CPLANE1: variants seen among roughly 807,000 people sequenced by gnomAD.
CPLANE1 encodes ciliogenesis and planar polarity effector complex subunit 1, also known as ciliogenesis and planar polarity effector 1.
CPLANE1 carries 263 observed loss-of-function variants against 362.5 expected under a neutral mutation model. The ratio of observed to expected loss-of-function variants is 0.73; its 90% CI spans 0.66 to 0.80. The LOEUF (loss-of-function observed/expected upper bound fraction) is 0.80. CPLANE1 is among the 30% of genes least tolerant of loss of function. The pLI is 0.00. For missense variants in CPLANE1, 3,461 were observed against 3,793.4 expected, an observed-to-expected ratio of 0.91 and a Z score of 2.30; for synonymous variants, 1,212 against 1,302.6, an observed-to-expected ratio of 0.93 and a Z score of 1.50.
intron 38 of CPLANE1, among the ~76,000 whole-genome samples, chr5:37,160,671 C>CTTT (rs1328332570): frequency 2.9e-5 from 4 of 138,568 alleles, no homozygotes; most frequent in African/African-American, 8.1e-5. Flanking sequence ...AAAATAATGA[C>CTTT]TTTTTTTTTT....
intron 27 of CPLANE1, 49 bp downstream of exon 27, chr5:37,180,808 T>C: frequency 6.4e-7 from 1 of 1,572,994 alleles, no homozygotes; most frequent in Non-Finnish European, 8.7e-7. Flanking sequence ...CCAAATGCCA[T>C]CAAACTACAT....
chr5:37,172,932 C>T (rs557631424), intron 32 of CPLANE1, among the ~76,000 whole-genome samples: 30 of 152,108 alleles, frequency 2.0e-4, no homozygotes, highest in African/African-American at 4.3e-4. Context: ...TGCAGTGAGC[C>T]GAGATCGCGC....
intron 12 of CPLANE1, 59 bp downstream of exon 12, chr5:37,226,245 C>T: frequency 1.7e-6 from 2 of 1,154,532 alleles, no homozygotes; most frequent in Non-Finnish European, 2.3e-6. Flanking sequence ...AGCTCAGTTT[C>T]TAAAAAAGTA....
intron 42 of CPLANE1, among the ~76,000 whole-genome samples, chr5:37,152,478 T>C (rs746965161): frequency 1.2e-4 from 19 of 152,106 alleles, no homozygotes; most frequent in Non-Finnish European, 2.5e-4. Flanking sequence ...CCTTTTGATA[T>C]AAATTGTTCT....
At position 37,245,297 on chromosome 5, in the gene CPLANE1, CTATATATA is replaced by C. The variant is rs57781968; in HGVS notation, c.337+174_337+181del. 0.088 allele frequency among the ~76,000 whole-genome samples: 5,208 copies of C among 58,970 alleles called. 292 individuals are homozygous for C. Among genetic ancestry groups the C allele is most frequent in the Admixed American group, 0.11 (469 of 4,234 alleles). The allele number at this position is 58,970 out of a possible 152,430, so 38.7% of individuals were successfully genotyped here. The stretch of plus-strand genomic sequence containing the variant: ...GTATCACAGATAAACATAACCAAAA[CTATATATA>C]TATATATATATATATATATATATAT... On this transcript the variant is annotated intron_variant, in intron 4 of 52. Transcript: ENST00000651892.
intron 51 of CPLANE1, 37 bp from the exon 52 acceptor site, chr5:37,108,508 G>GATTC (rs754922699): frequency 2.3e-4 from 352 of 1,536,896 alleles, no homozygotes; most frequent in Middle Eastern, 3.4e-4. Flanking sequence ...CATTGGGATT[G>GATTC]ATTCATTCAT....
intron 18 of CPLANE1, among the ~76,000 whole-genome samples, chr5:37,203,911 A>G (rs2150096484): frequency 6.6e-6 from 1 of 152,298 alleles, no homozygotes; most frequent in African/African-American, 2.4e-5. Context: ...AGCTAAAGAG[A>G]AAAAAATGGA....
the CPLANE1 span, among the ~76,000 whole-genome samples, chr5:37,081,180 AG>A: frequency 6.6e-6 from 1 of 152,222 alleles, no homozygotes; most frequent in Non-Finnish European, 1.5e-5. Context: ...AGACATGCAA[AG>A]AAAGGAAACT....
intron 50 of CPLANE1, among the ~76,000 whole-genome samples, chr5:37,115,458 T>G (rs1381453964): frequency 1.3e-5 from 2 of 152,194 alleles, no homozygotes; most frequent in African/African-American, 4.8e-5. Flanking sequence ...TACTTCCATG[T>G]TATGCAATAT....
At chr5:37,123,488 T>C (rs1763240979) in intron 47 of CPLANE1, among the ~76,000 whole-genome samples, 1 of 152,226 alleles carries the variant, frequency 6.6e-6, no homozygotes, top group Non-Finnish European at 1.5e-5. Flanking sequence ...AAAAAAGTGT[T>C]TGCAATCTTG....
chr5:37,161,563 CTAATT>C (rs1485203145), intron 38 of CPLANE1, among the ~76,000 whole-genome samples: 1 of 152,126 alleles, frequency 6.6e-6, no homozygotes, highest in Non-Finnish European at 1.5e-5. Flanking sequence ...AAGATACACT[CTAATT>C]TAAGAGCATC....
At chr5:37,170,414 T>C in intron 32 of CPLANE1, 83 bp from the exon 33 acceptor site, 1 of 1,309,972 alleles carries the variant, frequency 7.6e-7, no homozygotes, top group Non-Finnish European at 1.1e-6. Context: ...CTGAGTATTC[T>C]ACAATAGTCA....
chr5:37,133,328 G>A (rs1361344199), intron 46 of CPLANE1, among the ~76,000 whole-genome samples: 5 of 152,136 alleles, frequency 3.3e-5, no homozygotes, highest in Non-Finnish European at 2.9e-5. Flanking sequence ...TTGGTAGCTT[G>A]ATAGAAATAG....
At chr5:37,097,213 CA>C in the CPLANE1 span, among the ~76,000 whole-genome samples, 1 of 151,364 alleles carries the variant, frequency 6.6e-6, no homozygotes, top group Admixed American at 6.6e-5. Context: ...ACAAAACAAA[CA>C]AAAAAAATAA....
Position 37,209,368 on chromosome 5 carries a change from T to C in CPLANE1, c.2921-2943A>G. 1 of 1,058,336 alleles carries C rather than the reference T, an allele frequency of 9.4e-7. No individual in the cohort carries two copies. Among genetic ancestry groups the C allele is most frequent in the Non-Finnish European group, 1.5e-6 (1 of 676,192 alleles). The allele number at this position is 1,058,336 out of a possible 1,614,324, so 65.6% of individuals were successfully genotyped here. A position where few individuals can be genotyped will look rare whatever the true frequency, so the allele number is the denominator to read the frequency against. On this transcript the variant is annotated intron_variant, in intron 16 of 52. Transcript: ENST00000651892. The surrounding 1 kb of genome is among the most constrained non-coding windows in gnomAD (Gnocchi z 4.6). ...TCCGGAGGAAGCTGACGGCTGATGA[T>C]GGCTCAGTCCAACATGCTCCCCGTG...
rs757814360 is a variant in CPLANE1 at position 37,187,798 on chromosome 5, G to C, written c.3856C>G (p.Arg1286Gly). Reference sequence around the variant, plus strand: ...CTGCAACTATAGGATAACTTATCACGGACATGCAGCATCCAACACAGAGCA... The same window carrying C: ...CTGCAACTATAGGATAACTTATCACCGACATGCAGCATCCAACACAGAGCA... Reference protein sequence around the residue: ...LCALCWMLHVRDKLSYSCRQY... With the variant: ...LCALCWMLHVGDKLSYSCRQY... Residue 1286 changes from arginine (R) to glycine (G), a missense_variant, in exon 22 of 53, where the codon CGT (arginine) becomes GGT (glycine). Arg to Gly is a moderately radical substitution (Grantham distance 125). Around this residue, in one of 2 missense-constraint regions of CPLANE1, gnomAD observed 3,380 missense variants for 3,666.1 expected, o/e 0.92. Transcript: ENST00000651892. 1.2e-6 allele frequency: 2 copies of C among 1,613,562 alleles called. No individual in the cohort carries two copies. The highest frequency in any genetic ancestry group is 1.7e-6 in the Non-Finnish European group (2 of 1,179,830).
chr5:37,181,584 G>A (rs1453156062), intron 26 of CPLANE1, among the ~76,000 whole-genome samples: 1 of 152,220 alleles, frequency 6.6e-6, no homozygotes, highest in East Asian at 1.9e-4. Context: ...AGAGGCCAAG[G>A]TGGGAAGGTC....
At chr5:37,087,304 G>A in the CPLANE1 span, among the ~76,000 whole-genome samples, 1 of 152,142 alleles carries the variant, frequency 6.6e-6, no homozygotes, top group Non-Finnish European at 1.5e-5. Context: ...ACACAGAAAA[G>A]CCTAAAAAGG....
chr5:37,101,319 A>G (rs2149817999), downstream of CPLANE1, among the ~76,000 whole-genome samples: 1 of 152,230 alleles, frequency 6.6e-6, no homozygotes, highest in Admixed American at 6.5e-5. Flanking sequence ...AACATAAAGG[A>G]TGTTGAATTT....
Sources: gnomAD v4.1 joint callset for allele counts (sites outside exome capture counted in the v4.1 genomes callset) on GRCh38, gnomAD v4.1.1 for gene constraint, gnomAD v4.1.1 regional missense constraint, Gnocchi (gnomAD v3.1) non-coding constraint, MANE v1.5 for transcripts, NCBI Gene and HGNC (gene_info 2026-07-23, HGNC 2026-07-21) for gene names.